SLC25A13: variants seen among roughly 807,000 people sequenced by gnomAD.
The protein encoded by SLC25A13 is solute carrier family 25 member 13.
In SLC25A13, 70 loss-of-function variants were observed where a neutral mutation model predicts 85.5. The ratio of observed to expected loss-of-function variants is 0.82; its 90% CI spans 0.68 to 1.00. The LOEUF is 1.00. Among genes scored for constraint, SLC25A13 ranks in the 50% least tolerant of loss-of-function variants. SLC25A13 has a pLI of 0.00. For synonymous variants in SLC25A13, 259 were observed against 288.7 expected (o/e 0.90, Z 1.04); for missense variants, 765 against 819.8 (o/e 0.93, Z 0.82).
At chr7:96,138,045 C>CT (rs1792358044) in intron 14 of SLC25A13, among the ~76,000 whole-genome samples, 1 of 152,192 alleles carries the variant, frequency 6.6e-6, no homozygotes, top group Non-Finnish European at 1.5e-5. Context: ...CCAGAATTTC[C>CT]TTCATTAAGG....
At chr7:96,306,655 C>G (rs1421464947) in intron 1 of SLC25A13, among the ~76,000 whole-genome samples, 1 of 152,224 alleles carries the variant, frequency 6.6e-6, no homozygotes, top group African/African-American at 2.4e-5. Flanking sequence ...AGCCTCAGCT[C>G]TCTTCCTCTT....
chr7:96,188,207 T>C (rs1035769711), intron 9 of SLC25A13, among the ~76,000 whole-genome samples: 7 of 152,244 alleles, frequency 4.6e-5, no homozygotes, highest in Admixed American at 2.0e-4. Flanking sequence ...CTTCCACCTC[T>C]ACACGTGATT....
At chr7:96,165,601 T>C (rs1306599553) in intron 13 of SLC25A13, among the ~76,000 whole-genome samples, 3 of 152,188 alleles carry the variant, frequency 2.0e-5, no homozygotes, top group African/African-American at 7.2e-5. Context: ...GGGAATCATA[T>C]GAGGTGTTCC....
chr7:96,249,891 A>C (rs1797343298), intron 3 of SLC25A13, among the ~76,000 whole-genome samples: 1 of 151,618 alleles, frequency 6.6e-6, no homozygotes, highest in Non-Finnish European at 1.5e-5. Context: ...AAAAAAAAAA[A>C]AAAAACTCTA....
At chr7:96,233,987 T>G (rs1221949021) in intron 4 of SLC25A13, among the ~76,000 whole-genome samples, 1 of 152,056 alleles carries the variant, frequency 6.6e-6, no homozygotes, top group Non-Finnish European at 1.5e-5. Flanking sequence ...GAAAGCACAA[T>G]CCACATGCCT....
chr7:96,215,157 G>T (rs908600232), intron 4 of SLC25A13, among the ~76,000 whole-genome samples: 1 of 152,150 alleles, frequency 6.6e-6, no homozygotes, highest in Non-Finnish European at 1.5e-5. Flanking sequence ...GGAGTACAGT[G>T]GCATGATCTT....
intron 14 of SLC25A13, among the ~76,000 whole-genome samples, chr7:96,145,834 T>C (rs1792761347): frequency 2.6e-5 from 4 of 152,224 alleles, no homozygotes; most frequent in Admixed American, 2.6e-4. Flanking sequence ...TGTGACTGTA[T>C]ACATTTCTGT....
At chr7:96,221,160 G>A (rs780458022) in intron 4 of SLC25A13, among the ~76,000 whole-genome samples, 10 of 152,102 alleles carry the variant, frequency 6.6e-5, no homozygotes, top group African/African-American at 9.7e-5. Context: ...TTAGCTTTTC[G>A]TAAATAGTGG....
chr7:96,228,370 C>T (rs578107228), intron 4 of SLC25A13, among the ~76,000 whole-genome samples: 1 of 152,158 alleles, frequency 6.6e-6, no homozygotes, highest in South Asian at 2.1e-4. Context: ...AGCCAAATGG[C>T]CAATAAATAT....
rs541745632 is a variant in SLC25A13, at chr7:96,240,672, A to G, written c.213-5755T>C. Among the ~76,000 whole-genome samples the G allele has an allele frequency of 6.6e-5, 10 of 151,266 alleles. No individual in the cohort carries two copies. In the South Asian group the frequency reaches 1.9e-3, roughly 28 times the overall value. The stretch of plus-strand genomic sequence containing the variant: ...GGCAGAAGGATCACTTGAGTCCAGG[A>G]GTTCAAGACTGCAGTGAGCTATGAC... On this transcript the variant is annotated intron_variant, in intron 3 of 17. Transcript: ENST00000265631.
At chr7:96,145,376 T>G (rs1326946601) in intron 14 of SLC25A13, among the ~76,000 whole-genome samples, 1 of 152,174 alleles carries the variant, frequency 6.6e-6, no homozygotes, top group African/African-American at 2.4e-5. Context: ...TAATTCTGGA[T>G]GTTTACTGAG....
chr7:96,278,054 GCTTCCTCACAGTGTTCTCCTAGGTCTGGC>G (rs1382212345), intron 2 of SLC25A13, among the ~76,000 whole-genome samples: 1 of 152,156 alleles, frequency 6.6e-6, no homozygotes, highest in Non-Finnish European at 1.5e-5. Flanking sequence ...GGCAAACAAC[GCTTCCTCACAGTGTTCTCCTAGGTCTGGC>G]CTTTAATGTG....
At chr7:96,225,263 C>T (rs78942728) in intron 4 of SLC25A13, among the ~76,000 whole-genome samples, 1 of 152,078 alleles carries the variant, frequency 6.6e-6, no homozygotes, top group Admixed American at 6.5e-5. Flanking sequence ...TCAGGAACAG[C>T]CCAGTGTGCA....
intron 4 of SLC25A13, among the ~76,000 whole-genome samples, chr7:96,212,345 G>T (rs978397624): frequency 1.3e-5 from 2 of 152,180 alleles, no homozygotes; most frequent in African/African-American, 4.8e-5. Flanking sequence ...AGGTCCTGTG[G>T]GAAGAGGAAG....
intron 6 of SLC25A13, among the ~76,000 whole-genome samples, chr7:96,192,390 T>C (rs1794889408): frequency 1.3e-5 from 2 of 152,318 alleles, no homozygotes; most frequent in South Asian, 4.1e-4. Flanking sequence ...TGGTGTATGA[T>C]AGGCCTAGAA....
At chr7:96,285,343 T>G (rs1584566122) in intron 2 of SLC25A13, among the ~76,000 whole-genome samples, 1 of 152,168 alleles carries the variant, frequency 6.6e-6, no homozygotes, top group African/African-American at 2.4e-5. Flanking sequence ...TCCTACTGTT[T>G]AGTGGAATTC....
intron 13 of SLC25A13, among the ~76,000 whole-genome samples, chr7:96,155,285 G>A (rs183666300): frequency 1.1e-3 from 171 of 152,246 alleles, no homozygotes; most frequent in African/African-American, 3.9e-3. Flanking sequence ...AGTTGTGTAA[G>A]GATTTTTTTT....
chr7:96,136,094 G>T (rs529114111), intron 14 of SLC25A13, among the ~76,000 whole-genome samples: 2 of 152,008 alleles, frequency 1.3e-5, no homozygotes, highest in Non-Finnish European at 2.9e-5. Context: ...GTAGACCTAC[G>T]TTATAAACTG....
intron 2 of SLC25A13, among the ~76,000 whole-genome samples, chr7:96,294,503 G>A (rs1007794117): frequency 4.0e-5 from 6 of 151,802 alleles, no homozygotes; most frequent in African/African-American, 1.5e-4. Flanking sequence ...CAGCTACTCG[G>A]GAGGCTGAGG....
Sources: gnomAD v4.1 joint callset for allele counts (sites outside exome capture counted in the v4.1 genomes callset) on GRCh38, gnomAD v4.1.1 for gene constraint, MANE v1.5 for transcripts, NCBI Gene and HGNC (gene_info 2026-07-23, HGNC 2026-07-21) for gene names.